Variants in TPX2 observed in about 807,000 individuals in gnomAD.
The protein encoded by TPX2 is targeting protein for Xklp2.
TPX2 carries 21 observed loss-of-function variants against 93.6 expected under a neutral mutation model. That is an observed-to-expected ratio of 0.22 (90% CI 0.16 to 0.32). The LOEUF (loss-of-function observed/expected upper bound fraction) is 0.32. Ranked by LOEUF, TPX2 falls within the 10% of genes least tolerant of loss-of-function variation. The pLI is 1.00. For missense variants in TPX2, 776 were observed against 871.1 expected, an observed-to-expected ratio of 0.89 and a Z score of 1.37; for synonymous variants, 281 against 298.3, an observed-to-expected ratio of 0.94 and a Z score of 0.60.
At chr20:31,771,056 AG>A (rs1343480145) in intron 6 of TPX2, among the ~76,000 whole-genome samples, 1 of 152,158 alleles carries the variant, frequency 6.6e-6, no homozygotes, top group Non-Finnish European at 1.5e-5. Flanking sequence ...TAAAGGAAAA[AG>A]GGCAGCATCT....
intron 2 of TPX2, among the ~76,000 whole-genome samples, chr20:31,744,342 A>G (rs2061771697): frequency 1.3e-5 from 2 of 150,696 alleles, no homozygotes; most frequent in Admixed American, 1.3e-4. Context: ...TTGTGTTTTT[A>G]GTAGAGACGG....
intron 17 of TPX2, among the ~76,000 whole-genome samples, 177 bp from the exon 18 acceptor site, chr20:31,800,793 C>T (rs929117104): frequency 6.6e-6 from 1 of 152,208 alleles, no homozygotes; most frequent in Non-Finnish European, 1.5e-5. Context: ...GGCTCCAAAG[C>T]ACATACACTT....
chr20:31,764,501 C>T (rs1311906666), intron 4 of TPX2, among the ~76,000 whole-genome samples: 1 of 152,064 alleles, frequency 6.6e-6, no homozygotes, highest in African/African-American at 2.4e-5. Context: ...CTTCTTTATC[C>T]CCATTGAAAT....
intron 17 of TPX2, among the ~76,000 whole-genome samples, chr20:31,798,860 T>C (rs1316572567): frequency 6.6e-6 from 1 of 152,240 alleles, no homozygotes; most frequent in African/African-American, 2.4e-5. Flanking sequence ...TTTATCCCTT[T>C]GATAGTGAAT....
At chr20:31,753,737 T>A (rs2061833927) in intron 2 of TPX2, among the ~76,000 whole-genome samples, 1 of 152,152 alleles carries the variant, frequency 6.6e-6, no homozygotes, top group Admixed American at 6.6e-5. Flanking sequence ...TTATAACAGA[T>A]GTTTCTGGCC....
intron 12 of TPX2, 93 bp downstream of exon 12, chr20:31,784,014 A>G (rs1223450157): frequency 2.2e-6 from 3 of 1,348,982 alleles, no homozygotes; most frequent in African/African-American, 2.9e-5. Flanking sequence ...TATTATGAGC[A>G]GGGCATCATA....
intron 4 of TPX2, among the ~76,000 whole-genome samples, chr20:31,762,040 GC>G (rs1030421473): frequency 2.6e-5 from 4 of 152,092 alleles, no homozygotes; most frequent in Admixed American, 2.6e-4. Flanking sequence ...ATACCTGTTT[GC>G]CATTTGTATG....
chr20:31,793,678 A>G (rs1431629896), intron 13 of TPX2, among the ~76,000 whole-genome samples, 170 bp from the exon 14 acceptor site: 5 of 152,242 alleles, frequency 3.3e-5, no homozygotes, highest in African/African-American at 1.2e-4. Context: ...CCTTGGTGGT[A>G]GATGACTTAC....
chr20:31,793,978 G>A lies in TPX2; in HGVS notation c.1640G>A (p.Arg547His), dbSNP rs762675916. ...TCGTTTGATTCTCGAGACAAAGAAC[G>A]TCAGTTACAGAAGGAGAAGAAAATA... is the stretch of plus-strand genomic sequence containing the variant. Reference protein sequence around the residue: ...PFSFDSRDKERQLQKEKKIKE... With the variant: ...PFSFDSRDKEHQLQKEKKIKE... Residue 547 changes from arginine (R) to histidine (H), a missense_variant, in exon 14 of 18, where the codon CGT becomes CAT. By Grantham distance (29) the Arg-to-His change is conservative. Transcript: ENST00000300403. 2.9e-5 allele frequency: 47 copies of A among 1,613,288 alleles called. No individual in the cohort carries two copies. In the African/African-American group the frequency reaches 4.7e-4, roughly 16 times the overall value.
At chr20:31,786,414 T>TC (rs1312986609) in intron 12 of TPX2, among the ~76,000 whole-genome samples, 1 of 151,638 alleles carries the variant, frequency 6.6e-6, no homozygotes, top group African/African-American at 2.4e-5. Flanking sequence ...TTTTTTTTTT[T>TC]TGAGACAATC....
chr20:31,786,760 T>C (rs2062069910), intron 12 of TPX2, among the ~76,000 whole-genome samples: 1 of 152,174 alleles, frequency 6.6e-6, no homozygotes, highest in African/African-American at 2.4e-5. Flanking sequence ...GTGTGTACTC[T>C]AGAAATGCTA....
chr20:31,794,583 G>A (rs1444058856), intron 15 of TPX2, 35 bp downstream of exon 15: 1 of 1,607,780 alleles, frequency 6.2e-7, no homozygotes, highest in Non-Finnish European at 8.5e-7. Context: ...AATGTTAATT[G>A]CTTGGTTGGT....
chr20:31,798,959 ATTTG>A (rs1175256990), intron 17 of TPX2, among the ~76,000 whole-genome samples: 2 of 152,228 alleles, frequency 1.3e-5, no homozygotes, highest in Non-Finnish European at 2.9e-5. Context: ...TTTTTTATTT[ATTTG>A]TTTATTTTAT....
intron 15 of TPX2, 124 bp from the exon 16 acceptor site, chr20:31,797,280 A>C: frequency 1.3e-6 from 1 of 796,464 alleles, no homozygotes; most frequent in Non-Finnish European, 2.0e-6. Context: ...GATTTTTACT[A>C]GGGTTTATAT....
At chr20:31,759,842 A>G (rs188254718) in intron 3 of TPX2, among the ~76,000 whole-genome samples, 1 of 151,930 alleles carries the variant, frequency 6.6e-6, no homozygotes, top group African/African-American at 2.4e-5. Context: ...TTTATAATAC[A>G]TTGTTCAATG....
At chr20:31,778,774 C>T (rs765072434) in intron 9 of TPX2, 39 bp from the exon 10 acceptor site, 18 of 1,512,506 alleles carry the variant, frequency 1.2e-5, no homozygotes, top group Non-Finnish European at 1.5e-5. Flanking sequence ...TGAGCTCTTC[C>T]GTGACATTTC....
chr20:31,773,715 A>T (rs1161047250), intron 7 of TPX2, among the ~76,000 whole-genome samples: 2 of 152,330 alleles, frequency 1.3e-5, no homozygotes, highest in African/African-American at 4.8e-5. Context: ...TTATTTTAAA[A>T]ATTTAATTGT....
chr20:31,770,270 A>C, intron 5 of TPX2, 73 bp from the exon 6 acceptor site: 1 of 1,110,906 alleles, frequency 9.0e-7, no homozygotes, highest in Non-Finnish European at 1.2e-6. Flanking sequence ...ACATCCTTTC[A>C]CATTTCTCAG....
chr20:31,798,474 A>G lies in TPX2; in HGVS notation c.2055A>G (p.Lys685=). 2 of 1,613,838 alleles carry G rather than the reference A, an allele frequency of 1.2e-6. No individual in the cohort carries two copies. The highest frequency in any genetic ancestry group is 1.7e-6 in the Non-Finnish European group (2 of 1,180,020). Residue 685 remains lysine, a synonymous_variant, in exon 17 of 18, where the codon AAA becomes AAG. Coordinates refer to ENST00000300403, the MANE Select transcript of TPX2 (RefSeq NM_012112.5). ...GAATGGCTGAGGTAGAAGCCCAGAA[A>G]GCCCAGCAGTTGGAGGAGGCCAGAC... ...EKRMAEVEAQ[K]AQQLEEARLQ...
Sources: allele counts gnomAD v4.1 joint callset (sites outside exome capture counted in the v4.1 genomes callset), GRCh38; gene constraint gnomAD v4.1.1; transcripts MANE v1.5; gene names NCBI Gene and HGNC (gene_info 2026-07-23, HGNC 2026-07-21).